Variants in RBMS3 observed in about 807,000 individuals in gnomAD.
RBMS3 encodes RNA binding motif single stranded interacting protein 3, also known as RNA-binding motif, single-stranded-interacting protein 3.
A neutral mutation model predicts 66.8 loss-of-function variants in RBMS3; 27 were observed. The observed-to-expected ratio is 0.40, with a 90% CI of 0.30 to 0.56. The LOEUF is 0.56. RBMS3 is among the 20% of genes least tolerant of loss of function. RBMS3 has a pLI of 0.40. For missense variants in RBMS3, 513 were observed against 549.5 expected (o/e 0.93, Z 0.66); for synonymous variants, 188 against 183.0 (o/e 1.03, Z -0.22).
intron 4 of RBMS3, among the ~76,000 whole-genome samples, chr3:29,593,936 GATGGAGATGGTGGTTAAATAGGAT>G (rs1283495114): frequency 3.9e-5 from 6 of 152,194 alleles, no homozygotes; most frequent in African/African-American, 1.2e-4. Context: ...CAAAATAGGA[GATGGAGATGGTGGTTAAATAGGAT>G]ATGGAGATGG....
rs1182952603 is a variant in RBMS3, at chr3:30,008,663, G to A, written c.*4801G>A. ...TGATTCTGTACACTCTACCCTTCCT[G>A]TGGCAAGTGATAATGGGATTTCATT... On this transcript the variant is annotated 3_prime_UTR_variant, in exon 15 of 15. Coordinates refer to ENST00000383767, the MANE Select transcript of RBMS3 (RefSeq NM_001003793.3). 2.0e-5 allele frequency: 3 copies of A among 152,028 alleles called. No homozygotes were observed. Among genetic ancestry groups the A allele is most frequent in the African/African-American group, 7.2e-5 (3 of 41,404 alleles). The allele number at this position is 152,028 out of a possible 1,614,324, so 9.4% of individuals were successfully genotyped here.
chr3:29,862,618 T>C (rs2059242455), intron 6 of RBMS3, among the ~76,000 whole-genome samples: 1 of 151,656 alleles, frequency 6.6e-6, no homozygotes, highest in African/African-American at 2.4e-5. Flanking sequence ...GGTGTGTGTG[T>C]GCATGTGTGG....
chr3:29,452,457 C>T (rs532726236), intron 2 of RBMS3, among the ~76,000 whole-genome samples: 3 of 152,014 alleles, frequency 2.0e-5, no homozygotes, highest in Non-Finnish European at 2.9e-5. Context: ...AAAATCTATA[C>T]CAAAAGCAAG....
At chr3:29,391,566 G>A (rs914030864) in intron 1 of RBMS3, among the ~76,000 whole-genome samples, 5 of 152,174 alleles carry the variant, frequency 3.3e-5, no homozygotes, top group Non-Finnish European at 5.9e-5. Flanking sequence ...AGCTATTATA[G>A]TTATTAATAC....
intron 10 of RBMS3, among the ~76,000 whole-genome samples, chr3:29,910,787 T>G (rs1375549766): frequency 7.1e-6 from 1 of 140,862 alleles, no homozygotes; most frequent in Non-Finnish European, 1.6e-5. Flanking sequence ...GTATATAATT[T>G]TCATGTGTGT....
intron 13 of RBMS3, among the ~76,000 whole-genome samples, chr3:29,990,042 T>C (rs1577333526): frequency 6.6e-6 from 1 of 152,094 alleles, no homozygotes; most frequent in South Asian, 2.1e-4. Context: ...GATAAAAATA[T>C]AAATATACTC....
intron 13 of RBMS3, among the ~76,000 whole-genome samples, chr3:29,988,921 C>T (rs1698627173): frequency 6.6e-6 from 1 of 152,158 alleles, no homozygotes; most frequent in African/African-American, 2.4e-5. Flanking sequence ...CACTGGTTCT[C>T]AAATTTTCTG....
chr3:29,917,438 T>C (rs1453392657), intron 10 of RBMS3, among the ~76,000 whole-genome samples: 1 of 152,148 alleles, frequency 6.6e-6, no homozygotes, highest in Non-Finnish European at 1.5e-5. Flanking sequence ...AGATATGTGC[T>C]GCACCATATT....
At chr3:29,930,024 C>A (rs1361407271) in intron 10 of RBMS3, among the ~76,000 whole-genome samples, 2 of 151,270 alleles carry the variant, frequency 1.3e-5, no homozygotes, top group African/African-American at 2.4e-5. Flanking sequence ...ATATTATAAC[C>A]ATAATCTTGC....
At chr3:29,587,248 TTGTGTG>T (rs745367344) in intron 4 of RBMS3, 43 bp downstream of exon 4, 300 of 366,488 alleles carry the variant, frequency 8.2e-4, no homozygotes, top group African/African-American at 1.9e-3. Context: ...TTTTTTTTTT[TTGTGTG>T]TGTGTGTGTG....
chr3:29,942,146 A>G (rs545412865), intron 11 of RBMS3, among the ~76,000 whole-genome samples: 6 of 151,992 alleles, frequency 3.9e-5, no homozygotes, highest in African/African-American at 1.4e-4. Context: ...TAATCCATCC[A>G]TAAACCAGAA....
At chr3:29,387,727 C>A (rs1457968373) in intron 1 of RBMS3, among the ~76,000 whole-genome samples, 1 of 151,854 alleles carries the variant, frequency 6.6e-6, no homozygotes, top group Non-Finnish European at 1.5e-5. Flanking sequence ...ACGGTGAAAC[C>A]CCGTCCCTAC....
At chr3:29,634,018 AT>A (rs889489759) in intron 4 of RBMS3, among the ~76,000 whole-genome samples, 1 of 151,918 alleles carries the variant, frequency 6.6e-6, no homozygotes, top group African/African-American at 2.4e-5. Flanking sequence ...TGCAGTACTA[AT>A]TTTTGCTTCT....
In RBMS3 at chr3:29,728,933, A is replaced by G. The variant is rs965556493; in HGVS notation, c.400-10787A>G. ...GTAGATTCAAGCAAAACAGCACACA[A>G]GAGAACATTTTGTATCAAAGTTGTG... On this transcript the variant is annotated intron_variant, in intron 4 of 14. Coordinates refer to ENST00000383767, the MANE Select transcript of RBMS3 (RefSeq NM_001003793.3). 2.0e-5 allele frequency among the ~76,000 whole-genome samples: 3 copies of G among 152,162 alleles called. No homozygotes were observed. In the East Asian group the frequency reaches 5.8e-4, roughly 29 times the overall value.
At chr3:29,997,913 G>T (rs552352366) in intron 14 of RBMS3, among the ~76,000 whole-genome samples, 11 of 152,144 alleles carry the variant, frequency 7.2e-5, no homozygotes, top group Non-Finnish European at 1.6e-4. Flanking sequence ...TGGAAGTTCT[G>T]GCCAGGGCAA....
intron 5 of RBMS3, among the ~76,000 whole-genome samples, chr3:29,747,505 A>G (rs1311660626): frequency 6.6e-6 from 1 of 152,178 alleles, no homozygotes; most frequent in Non-Finnish European, 1.5e-5. Flanking sequence ...TAATTGTTAT[A>G]GATGAAGTAA....
intron 4 of RBMS3, among the ~76,000 whole-genome samples, chr3:29,619,521 A>G (rs1305356157): frequency 6.6e-6 from 1 of 152,150 alleles, no homozygotes; most frequent in Non-Finnish European, 1.5e-5. Flanking sequence ...AAGACACCAG[A>G]TGGGCAATGT....
At chr3:29,345,839 T>C (rs1004457376) in intron 1 of RBMS3, among the ~76,000 whole-genome samples, 28 of 152,296 alleles carry the variant, frequency 1.8e-4, no homozygotes, top group African/African-American at 6.5e-4. Flanking sequence ...AAGAGAAGTG[T>C]TTCAAACTAA....
chr3:29,453,102 T>A (rs1348748702), intron 2 of RBMS3, among the ~76,000 whole-genome samples: 1 of 152,184 alleles, frequency 6.6e-6, no homozygotes, highest in Non-Finnish European at 1.5e-5. Context: ...CTGCTTCCCT[T>A]GCTTGCTAAG....
Sources: allele counts gnomAD v4.1 joint callset (sites outside exome capture counted in the v4.1 genomes callset), GRCh38; gene constraint gnomAD v4.1.1; transcripts MANE v1.5; gene names NCBI Gene and HGNC (gene_info 2026-07-23, HGNC 2026-07-21).